MRTFB: variants seen among roughly 807,000 people sequenced by gnomAD.
The protein encoded by MRTFB is myocardin-related transcription factor B.
In MRTFB, 29 loss-of-function variants were observed where a neutral mutation model predicts 104.2. The ratio of observed to expected loss-of-function variants is 0.28; its 90% CI spans 0.21 to 0.38. The LOEUF is 0.38. Among genes scored for constraint, MRTFB ranks in the 10% least tolerant of loss-of-function variants. The pLI is 1.00. For missense variants in MRTFB, 1,270 were observed against 1,341.6 expected, an observed-to-expected ratio of 0.95 and a Z score of 0.83; for synonymous variants, 535 against 519.5, an observed-to-expected ratio of 1.03 and a Z score of -0.41.
rs568992806 is a variant in MRTFB at position 14,112,280 on chromosome 16, G to A, written c.-63-28264G>A. Among the ~76,000 whole-genome samples, 5 of 152,292 alleles carry A rather than the reference G, an allele frequency of 3.3e-5. No individual in the cohort carries two copies. In the East Asian group the frequency reaches 9.7e-4, roughly 29 times the overall value. Reference sequence around the variant, plus strand: ...CCAGAATTTGAGAGATAGCTAGGAGGCAGTGGTCAGAGGTAGGTGCGTGAA... The same window carrying A: ...CCAGAATTTGAGAGATAGCTAGGAGACAGTGGTCAGAGGTAGGTGCGTGAA... On this transcript the variant is annotated intron_variant, in intron 2 of 16. Coordinates refer to ENST00000571589, the MANE Select transcript of MRTFB (RefSeq NM_001308142.2).
At chr16:14,193,837 G>A (rs1187231323) in intron 3 of MRTFB, 1 of 152,078 alleles carries the variant, frequency 6.6e-6, no homozygotes, top group Non-Finnish European at 1.5e-5. Context: ...TCAGCGTCAG[G>A]GTAGGCCTTG....
intron 3 of MRTFB, among the ~76,000 whole-genome samples, chr16:14,193,476 G>A (rs541909608): frequency 2.6e-5 from 4 of 152,038 alleles, no homozygotes; most frequent in Admixed American, 2.0e-4. Context: ...TTCAGATGTC[G>A]CCTTCTCACA....
intron 2 of MRTFB, among the ~76,000 whole-genome samples, chr16:14,133,493 G>A (rs777372318): frequency 2.0e-5 from 3 of 152,034 alleles, no homozygotes; most frequent in African/African-American, 4.8e-5. Context: ...TATTTTAAAC[G>A]TAAATTTAAA....
chr16:14,222,238 T>C (rs2041759455), intron 8 of MRTFB, among the ~76,000 whole-genome samples: 1 of 152,198 alleles, frequency 6.6e-6, no homozygotes, highest in South Asian at 2.1e-4. Context: ...ACTTTCCTTC[T>C]TGTTTGCCTG....
chr16:14,123,020 T>C (rs1000354366), intron 2 of MRTFB, among the ~76,000 whole-genome samples: 4 of 152,260 alleles, frequency 2.6e-5, no homozygotes, highest in African/African-American at 9.6e-5. Context: ...GTAGTTTTGA[T>C]TTGCATTTCT....
At chr16:14,097,950 G>A (rs2035482037) in intron 2 of MRTFB, among the ~76,000 whole-genome samples, 2 of 151,734 alleles carry the variant, frequency 1.3e-5, no homozygotes, top group South Asian at 4.2e-4. Flanking sequence ...GTGTAGATAT[G>A]CCACAATTTG....
intron 8 of MRTFB, among the ~76,000 whole-genome samples, chr16:14,229,112 G>C (rs34045012): frequency 0.017 from 2,635 of 152,172 alleles, 33 homozygotes; most frequent in Middle Eastern, 0.027. Context: ...TTTTAAAGCA[G>C]GGATACGTGC....
At chr16:14,060,969 A>T in the MRTFB span, among the ~76,000 whole-genome samples, 1 of 152,082 alleles carries the variant, frequency 6.6e-6, no homozygotes. Flanking sequence ...ACACAGTGAA[A>T]CCCTGTCTCT....
intron 7 of MRTFB, 114 bp downstream of exon 7, chr16:14,217,401 A>G: frequency 1.2e-6 from 1 of 852,786 alleles, no homozygotes; most frequent in Non-Finnish European, 1.7e-6. Flanking sequence ...TTCTGGGTTA[A>G]TTAGAAATTA....
At chr16:14,188,069 G>A (rs2040022244) in intron 3 of MRTFB, among the ~76,000 whole-genome samples, 1 of 152,156 alleles carries the variant, frequency 6.6e-6, no homozygotes, top group Non-Finnish European at 1.5e-5. Context: ...TAGACTTGCT[G>A]GAGTTGAACT....
the MRTFB span, among the ~76,000 whole-genome samples, chr16:14,056,697 T>C: frequency 6.6e-6 from 1 of 152,216 alleles, no homozygotes; most frequent in Non-Finnish European, 1.5e-5. Flanking sequence ...CTGGAGTCTC[T>C]CAGTGTTCAG....
chr16:14,079,167 T>A, intron 1 of MRTFB, 123 bp from the exon 2 acceptor site: 1 of 304,980 alleles, frequency 3.3e-6, no homozygotes, highest in Non-Finnish European at 6.0e-6. Context: ...ACCATTCCAT[T>A]TTAATAACTT....
At chr16:14,027,295 A>G in the MRTFB span, among the ~76,000 whole-genome samples, 3 of 152,344 alleles carry the variant, frequency 2.0e-5, no homozygotes, top group East Asian at 1.9e-4. Context: ...GCTATGTTCT[A>G]TATGATTCCA....
chr16:14,140,992 A>C, intron 3 of MRTFB: 1 of 452,346 alleles, frequency 2.2e-6, no homozygotes, highest in Non-Finnish European at 4.0e-6. Flanking sequence ...CTTTGGAAAT[A>C]ATCTTTAGAT....
At chr16:14,026,126 A>C in the MRTFB span, among the ~76,000 whole-genome samples, 1 of 152,214 alleles carries the variant, frequency 6.6e-6, no homozygotes, top group African/African-American at 2.4e-5. Context: ...CAATATGATT[A>C]CAAAATTTAC....
At chr16:14,210,404 C>T in intron 4 of MRTFB, 96 bp downstream of exon 4, 3 of 881,584 alleles carry the variant, frequency 3.4e-6, no homozygotes, top group Admixed American at 5.0e-5. Flanking sequence ...CAGTTGTATC[C>T]ATTTAATCAA....
At chr16:14,061,151 A>G in the MRTFB span, among the ~76,000 whole-genome samples, 33 of 152,102 alleles carry the variant, frequency 2.2e-4, no homozygotes, top group Admixed American at 6.5e-5. Flanking sequence ...GTCTCAAAAA[A>G]AAAACAAAAA....
At chr16:14,225,801 T>C (rs2041977436) in intron 8 of MRTFB, among the ~76,000 whole-genome samples, 1 of 152,174 alleles carries the variant, frequency 6.6e-6, no homozygotes, top group South Asian at 2.1e-4. Context: ...AGATATTCTT[T>C]ATATAGCAAG....
At chr16:14,027,868 G>A in the MRTFB span, among the ~76,000 whole-genome samples, 1 of 152,190 alleles carries the variant, frequency 6.6e-6, no homozygotes, top group East Asian at 1.9e-4. Flanking sequence ...ATGGTGTGTA[G>A]CAAATAGAAG....
Sources: gnomAD v4.1 joint callset for allele counts (sites outside exome capture counted in the v4.1 genomes callset) on GRCh38, gnomAD v4.1.1 for gene constraint, MANE v1.5 for transcripts, NCBI Gene and HGNC (gene_info 2026-07-23, HGNC 2026-07-21) for gene names.